Variants in CDH17 observed in about 807,000 individuals in gnomAD.
CDH17 encodes cadherin 17, also known as cadherin-17.
A neutral mutation model predicts 86.3 loss-of-function variants in CDH17; 67 were observed. That is an observed-to-expected ratio of 0.78 (90% CI 0.64 to 0.95). The LOEUF is 0.95. Ranked by LOEUF, CDH17 falls within the 40% of genes least tolerant of loss-of-function variation. The probability of loss-of-function intolerance (pLI) is 0.00; values close to 1 mark genes in which losing one functional copy is unlikely to be tolerated. For synonymous variants in CDH17, 367 were observed against 366.4 expected, an observed-to-expected ratio of 1.00 and a Z score of -0.02; for missense variants, 993 against 1,017.6, an observed-to-expected ratio of 0.98 and a Z score of 0.33.
At chr8:94,130,393 A>G (rs1402177489) in intron 17 of CDH17, among the ~76,000 whole-genome samples, 1 of 152,210 alleles carries the variant, frequency 6.6e-6, no homozygotes, top group Non-Finnish European at 1.5e-5. Context: ...ATTGATGACC[A>G]TAAAGCCCCT....
chr8:94,162,787 A>G (rs1813080071), intron 10 of CDH17, among the ~76,000 whole-genome samples: 1 of 152,166 alleles, frequency 6.6e-6, no homozygotes, highest in South Asian at 2.1e-4. Flanking sequence ...GGGTTTCACA[A>G]TTCCAAGACC....
intron 1 of CDH17, among the ~76,000 whole-genome samples, chr8:94,200,058 A>T (rs545842299): frequency 1.3e-5 from 2 of 152,352 alleles, no homozygotes; most frequent in East Asian, 3.9e-4. Context: ...CCTACACAGG[A>T]ACATCCTCAC....
At chr8:94,194,424 A>G (rs754943093) in intron 2 of CDH17, among the ~76,000 whole-genome samples, 5 of 152,234 alleles carry the variant, frequency 3.3e-5, no homozygotes, top group Non-Finnish European at 7.3e-5. Flanking sequence ...AAGAAAATAC[A>G]TTCCCTAGTC....
At chr8:94,204,379 G>A (rs902695972) in intron 1 of CDH17, among the ~76,000 whole-genome samples, 6 of 152,110 alleles carry the variant, frequency 3.9e-5, no homozygotes, top group Non-Finnish European at 8.8e-5. Flanking sequence ...TCCCCCTTAT[G>A]AGTGAGAACA....
intron 2 of CDH17, among the ~76,000 whole-genome samples, chr8:94,190,906 A>G (rs190205922): frequency 2.6e-5 from 4 of 152,122 alleles, no homozygotes; most frequent in Non-Finnish European, 5.9e-5. Flanking sequence ...AAAAAGCAAT[A>G]ATGAATGAGA....
upstream of CDH17, among the ~76,000 whole-genome samples, chr8:94,208,812 G>A (rs1223067519): frequency 6.6e-6 from 1 of 152,204 alleles, no homozygotes; most frequent in African/African-American, 2.4e-5. Context: ...CAAGAAGTTA[G>A]AGTGGAAAAG....
chr8:94,165,488 G>A (rs73266247), intron 10 of CDH17, among the ~76,000 whole-genome samples: 15,859 of 151,914 alleles, frequency 0.1, 2,746 homozygotes, highest in African/African-American at 0.36. Flanking sequence ...TTTTTCTCAC[G>A]GGCTCCCCCC....
At chr8:94,128,506 CCTT>C (rs1812347218) in intron 17 of CDH17, among the ~76,000 whole-genome samples, 166 bp from the exon 18 acceptor site, 1 of 152,112 alleles carries the variant, frequency 6.6e-6, no homozygotes, top group Non-Finnish European at 1.5e-5. Context: ...TAGTCGTTGG[CCTT>C]CTTGGAGAAA....
intron 15 of CDH17, among the ~76,000 whole-genome samples, chr8:94,145,021 T>C (rs575229803): frequency 1.8e-4 from 27 of 152,310 alleles, no homozygotes; most frequent in Non-Finnish European, 3.5e-4. Context: ...GCTGGGAGAA[T>C]GCTGAGCAAC....
chr8:94,205,063 C>T (rs1288699412), intron 1 of CDH17, among the ~76,000 whole-genome samples: 1 of 152,142 alleles, frequency 6.6e-6, no homozygotes, highest in Non-Finnish European at 1.5e-5. Context: ...TAATGGAACA[C>T]TAGGCATAAA....
rs1171096996 is a variant in CDH17 at position 94,162,069 on chromosome 8, T to G, written c.1359+17A>C. 7.0e-7 allele frequency: 1 copy of G among 1,433,590 alleles called. No homozygotes were observed. Among genetic ancestry groups the G allele is most frequent in the East Asian group, 2.3e-5 (1 of 43,960 alleles). 88.8% of individuals were successfully genotyped at this position (1,433,590 alleles called of 1,614,324 possible). Reference sequence around the variant, plus strand: ...ATGAATAAAGTAAAGAAAAAACAAATAATGACAACTACTCACATCTGATTT... The same window carrying G: ...ATGAATAAAGTAAAGAAAAAACAAAGAATGACAACTACTCACATCTGATTT... On this transcript the variant is annotated intron_variant, in intron 11 of 17. Coordinates refer to ENST00000027335, the MANE Select transcript of CDH17 (RefSeq NM_004063.4).
At chr8:94,145,695 C>T (rs543790066) in intron 15 of CDH17, among the ~76,000 whole-genome samples, 52 of 152,038 alleles carry the variant, frequency 3.4e-4, no homozygotes, top group African/African-American at 1.2e-3. Context: ...CTTAGGTCAT[C>T]CAACTGTTCA....
At chr8:94,203,379 G>A (rs1813959218) in intron 1 of CDH17, among the ~76,000 whole-genome samples, 1 of 152,164 alleles carries the variant, frequency 6.6e-6, no homozygotes, top group African/African-American at 2.4e-5. Flanking sequence ...GGTAGTGTGG[G>A]CAGGAAGGGA....
chr8:94,216,568 T>G (rs1814197579), intron 1 of CDH17, among the ~76,000 whole-genome samples: 2 of 150,298 alleles, frequency 1.3e-5, no homozygotes, highest in Non-Finnish European at 3.0e-5. Context: ...GGTTTGTTTT[T>G]TTTTTTTTTT....
Position 94,152,117 on chromosome 8 carries a change from G to A in CDH17, c.1552-5C>T, listed in dbSNP as rs563079519. On this transcript the variant is annotated splice_polypyrimidine_tract_variant and splice_region_variant and intron_variant, in intron 12 of 17. Transcript: ENST00000027335. ...TGCTGTTTCAAAATCAAGAGGCTGT[G>A]TAGGAGAAAGAGAGAAAATTAATTT... The A allele has an allele frequency of 1.6e-5, 25 of 1,612,774 alleles. No individual in the cohort carries two copies. Among genetic ancestry groups the A allele is most frequent in the South Asian group, 1.5e-4 (14 of 91,044 alleles).
intron 3 of CDH17, among the ~76,000 whole-genome samples, chr8:94,187,131 C>CA (rs571641546): frequency 8.5e-5 from 13 of 152,200 alleles, no homozygotes; most frequent in South Asian, 4.2e-4. Context: ...GTTCTCACCA[C>CA]AAAAAAGAGA....
chr8:94,175,068 T>C lies in CDH17; in HGVS notation c.425-808A>G, dbSNP rs77147614. On this transcript the variant is annotated intron_variant, in intron 5 of 17. Transcript: ENST00000027335. ...TATTAATACCAATGGTCACTTGAAA[T>C]AGGCCATGGTAGGAGTATTTGCAAC... Among the ~76,000 whole-genome samples the C allele has an allele frequency of 6.7e-3, 1,022 of 152,288 alleles. 8 individuals carry two copies. Among genetic ancestry groups the C allele is most frequent in the Non-Finnish European group, 0.011 (730 of 68,016 alleles).
Position 94,189,290 on chromosome 8 carries a change from TAAAA to T in CDH17, c.52-9_52-6del. The stretch of plus-strand genomic sequence containing the variant: ...CTCTTGGCCATATCCAGTTGCCTGT[TAAAA>T]AAGAAAGAGAAAATTAGCATCTTGT... On this transcript the variant is annotated splice_polypyrimidine_tract_variant and splice_region_variant and intron_variant, in intron 2 of 17. Transcript: ENST00000027335. 1.9e-6 allele frequency: 3 copies of T among 1,594,366 alleles called. No homozygotes were observed. The highest frequency in any genetic ancestry group is 2.6e-6 in the Non-Finnish European group (3 of 1,172,556).
intron 15 of CDH17, among the ~76,000 whole-genome samples, chr8:94,138,974 T>C (rs1023304761): frequency 6.6e-6 from 1 of 152,062 alleles, no homozygotes; most frequent in South Asian, 2.1e-4. Context: ...TAATAAAAAA[T>C]TGCCAGACAT....
Sources: allele counts gnomAD v4.1 joint callset (sites outside exome capture counted in the v4.1 genomes callset), GRCh38; gene constraint gnomAD v4.1.1; transcripts MANE v1.5; gene names NCBI Gene and HGNC (gene_info 2026-07-23, HGNC 2026-07-21).